Variants in SHISA9 observed in about 807,000 individuals in gnomAD.
SHISA9 encodes shisa family member 9, also known as protein shisa-9.
In SHISA9, 13 loss-of-function variants were observed where a neutral mutation model predicts 38.0. The observed-to-expected ratio is 0.34, with a 90% CI of 0.22 to 0.54. The LOEUF (loss-of-function observed/expected upper bound fraction) is 0.54, where lower values mean the gene tolerates loss of function less well. Among genes scored for constraint, SHISA9 ranks in the 20% least tolerant of loss-of-function variants. The pLI, the probability that SHISA9 is intolerant of heterozygous loss-of-function variation, is 0.91. For missense variants in SHISA9, 538 were observed against 575.8 expected, an observed-to-expected ratio of 0.93 and a Z score of 0.67; for synonymous variants, 275 against 242.0, an observed-to-expected ratio of 1.14 and a Z score of -1.27.
the SHISA9 span, among the ~76,000 whole-genome samples, chr16:13,330,192 G>C: frequency 2.6e-5 from 4 of 152,220 alleles, no homozygotes; most frequent in Non-Finnish European, 4.4e-5. Flanking sequence ...TTCAGAGACA[G>C]ATATCTCCAT....
At chr16:13,150,101 C>T (rs552803624) in intron 2 of SHISA9, among the ~76,000 whole-genome samples, 2 of 149,678 alleles carry the variant, frequency 1.3e-5, no homozygotes, top group East Asian at 4.0e-4. Context: ...CAACCCTGGC[C>T]AAGATTGACT....
chr16:13,545,878 G>A, the SHISA9 span, among the ~76,000 whole-genome samples: 1 of 152,192 alleles, frequency 6.6e-6, no homozygotes, highest in Non-Finnish European at 1.5e-5. Context: ...TTGGTTCAGG[G>A]AGAAACATGT....
intron 2 of SHISA9, among the ~76,000 whole-genome samples, chr16:13,128,605 G>T (rs1347987818): frequency 2.0e-5 from 3 of 152,206 alleles, no homozygotes; most frequent in African/African-American, 4.8e-5. Context: ...CAGCTGGAAA[G>T]AATTAGGTCA....
chr16:13,380,109 T>G, the SHISA9 span, among the ~76,000 whole-genome samples: 1 of 151,918 alleles, frequency 6.6e-6, no homozygotes, highest in Non-Finnish European at 1.5e-5. Flanking sequence ...TACATACATA[T>G]GTTTAATTTG....
At position 13,087,144 on chromosome 16, in the gene SHISA9, C is replaced by G. The variant is rs924169124; in HGVS notation, c.692-116250C>G. Among the ~76,000 whole-genome samples the G allele has an allele frequency of 2.7e-4, 37 of 135,702 alleles. No individual in the cohort carries two copies. The Admixed American group carries it at 2.8e-3, about 10-fold the overall frequency. 89.0% of individuals were successfully genotyped at this position (135,702 alleles called of 152,430 possible). On this transcript the variant is annotated intron_variant, in intron 2 of 4. Transcript: ENST00000558583. ...CATGTCCCCGCAAAGGACATGAACT[C>G]GTCTTTTTTTTTTTTTTTTTTTTTT...
At chr16:13,449,547 C>G in the SHISA9 span, among the ~76,000 whole-genome samples, 1 of 152,120 alleles carries the variant, frequency 6.6e-6, no homozygotes, top group Non-Finnish European at 1.5e-5. Flanking sequence ...TGGTTGTATA[C>G]AGAGAGAATC....
At chr16:13,143,662 A>G (rs2050422270) in intron 2 of SHISA9, among the ~76,000 whole-genome samples, 1 of 152,214 alleles carries the variant, frequency 6.6e-6, no homozygotes, top group Non-Finnish European at 1.5e-5. Context: ...ATTGAAGACA[A>G]GAGCCAGCCA....
At chr16:13,131,811 A>G (rs899394518) in intron 2 of SHISA9, among the ~76,000 whole-genome samples, 1 of 152,122 alleles carries the variant, frequency 6.6e-6, no homozygotes, top group African/African-American at 2.4e-5. Context: ...TTTGGGACAG[A>G]GTTCTGGTCC....
chr16:13,104,401 A>G (rs1224767378), intron 2 of SHISA9, among the ~76,000 whole-genome samples: 3 of 152,236 alleles, frequency 2.0e-5, no homozygotes, highest in African/African-American at 7.2e-5. Flanking sequence ...ATATCCATGA[A>G]TATTCATACA....
At chr16:13,038,109 C>A (rs1045339624) in intron 2 of SHISA9, among the ~76,000 whole-genome samples, 9 of 152,168 alleles carry the variant, frequency 5.9e-5, no homozygotes, top group African/African-American at 2.2e-4. Flanking sequence ...TGTGCCTCAG[C>A]CACCCGAGTA....
At chr16:13,105,404 C>G (rs1012370693) in intron 2 of SHISA9, among the ~76,000 whole-genome samples, 3 of 152,214 alleles carry the variant, frequency 2.0e-5, no homozygotes, top group Non-Finnish European at 4.4e-5. Flanking sequence ...ATCACCCTCC[C>G]TCCCACTTGC....
the SHISA9 span, among the ~76,000 whole-genome samples, chr16:13,354,728 C>T: frequency 1.3e-5 from 2 of 151,988 alleles, no homozygotes; most frequent in African/African-American, 2.4e-5. Flanking sequence ...GGGTGTGGTC[C>T]TGGCTCTTGT....
intron 2 of SHISA9, among the ~76,000 whole-genome samples, chr16:13,094,255 A>G (rs2073804114): frequency 6.6e-6 from 1 of 152,168 alleles, no homozygotes; most frequent in African/African-American, 2.4e-5. Flanking sequence ...GAAACTGCAT[A>G]AAACAGTTGA....
intron 3 of SHISA9, chr16:13,204,821 T>A: frequency 6.6e-6 from 1 of 152,320 alleles, no homozygotes. Context: ...CAAGCAGCAG[T>A]GGGTGACAGA....
At chr16:13,310,879 T>C in the SHISA9 span, among the ~76,000 whole-genome samples, 1 of 152,156 alleles carries the variant, frequency 6.6e-6, no homozygotes, top group East Asian at 1.9e-4. Flanking sequence ...AGACGGGGTT[T>C]CATCCTGTTG....
chr16:13,225,227 G>C (rs778016113), intron 4 of SHISA9, among the ~76,000 whole-genome samples: 11 of 152,180 alleles, frequency 7.2e-5, no homozygotes, highest in African/African-American at 1.4e-4. Context: ...GAAGAGGCAA[G>C]AATGGATCCT....
chr16:13,119,283 C>G (rs1313565622), intron 2 of SHISA9, among the ~76,000 whole-genome samples: 5 of 152,134 alleles, frequency 3.3e-5, no homozygotes. Flanking sequence ...GTCACACAGG[C>G]TGAAATGTTA....
chr16:13,203,865 A>G (rs1348583085), intron 3 of SHISA9, among the ~76,000 whole-genome samples: 1 of 151,182 alleles, frequency 6.6e-6, no homozygotes, highest in African/African-American at 2.4e-5. Flanking sequence ...CTGTCTGTCC[A>G]TCCATCCATC....
At chr16:13,539,233 G>A in the SHISA9 span, among the ~76,000 whole-genome samples, 1 of 149,344 alleles carries the variant, frequency 6.7e-6, no homozygotes, top group Non-Finnish European at 1.5e-5. Context: ...AAGCTCAAGA[G>A]ATCCTCTTAC....
Sources: allele counts gnomAD v4.1 joint callset (sites outside exome capture counted in the v4.1 genomes callset), GRCh38; gene constraint gnomAD v4.1.1; transcripts MANE v1.5; gene names NCBI Gene and HGNC (gene_info 2026-07-23, HGNC 2026-07-21).